The following COL9A3 variants were observed in gnomAD, a reference collection of about 807,000 sequenced individuals.
COL9A3 encodes the protein collagen alpha-3(IX) chain.
In COL9A3, 82 loss-of-function variants were observed where a neutral mutation model predicts 110.2. That is an observed-to-expected ratio of 0.74 (90% CI 0.62 to 0.89). The LOEUF (loss-of-function observed/expected upper bound fraction) is 0.89. COL9A3 is among the 40% of genes least tolerant of loss of function. The probability of loss-of-function intolerance (pLI) is 0.00; values close to 1 mark genes in which losing one functional copy is unlikely to be tolerated. For synonymous variants in COL9A3, 494 were observed against 403.8 expected (o/e 1.22, Z -2.68); for missense variants, 1,066 against 981.3 (o/e 1.09, Z -1.15).
intron 14 of COL9A3, among the ~76,000 whole-genome samples, 154 bp from the exon 15 acceptor site, chr20:62,826,613 G>A (rs544754603): frequency 1.3e-5 from 2 of 152,336 alleles, no homozygotes; most frequent in East Asian, 3.9e-4. Flanking sequence ...GGGGAAGCAG[G>A]GATTTGGAGA....
chr20:62,836,627 TCCAG>T, intron 29 of COL9A3, 95 bp downstream of exon 29: 1 of 1,351,770 alleles, frequency 7.4e-7, no homozygotes, highest in Non-Finnish European at 1.0e-6. Context: ...GCCACTGCTT[TCCAG>T]CCAAAGTGAG....
intron 14 of COL9A3, 28 bp from the exon 15 acceptor site, chr20:62,826,739 G>A (rs911685723): frequency 1.2e-6 from 2 of 1,611,682 alleles, no homozygotes; most frequent in Non-Finnish European, 1.7e-6. Context: ...CAGACAAGAG[G>A]ACCCCGGATC....
chr20:62,835,278 A>G (rs1054714668), intron 26 of COL9A3, among the ~76,000 whole-genome samples: 3 of 152,192 alleles, frequency 2.0e-5, no homozygotes, highest in African/African-American at 7.2e-5. Flanking sequence ...GGGAAGCCCA[A>G]GACCGAGGGG....
chr20:62,827,330 T>C (rs969981595), intron 16 of COL9A3, 36 bp downstream of exon 16: 7 of 1,605,940 alleles, frequency 4.4e-6, no homozygotes, highest in Non-Finnish European at 6.0e-6. Context: ...TGGGTCCTTA[T>C]GTGGAAGAAC....
At position 62,820,356 on chromosome 20, in the gene COL9A3, G is replaced by A. The variant is rs147291143; in HGVS notation, c.309+374G>A. 5.7e-3 allele frequency among the ~76,000 whole-genome samples: 870 copies of A among 152,192 alleles called. 2 individuals are homozygous for A. Among genetic ancestry groups the A allele is most frequent in the Middle Eastern group, 0.01 (3 of 294 alleles). ...CAGAGTCCCCTGTGCCTGCCTGTTG[G>A]ACACTGAATCCTTTACCCTGACGGA... On this transcript the variant is annotated intron_variant, in intron 5 of 31. Transcript: ENST00000649368.
At position 62,832,167 on chromosome 20, in the gene COL9A3, C is replaced by T. The variant is rs1430563820; in HGVS notation, c.1301C>T (p.Ala434Val). The part of the protein sequence containing the change: ...GDVGDRGPGG[A>V]AGPKGDQGIA... ...CTCCACATCCAGGGTCCGGGAGGTG[C>T]CGCAGGCCCTAAGGGAGACCAGGTG... Residue 434 changes from alanine to valine, a missense_variant, in exon 25 of 32, where the codon GCC becomes GTC. By Grantham distance (64) the Ala-to-Val change is moderately conservative. Coordinates refer to ENST00000649368, the MANE Select transcript of COL9A3 (RefSeq NM_001853.4). The T allele has an allele frequency of 6.2e-7, 1 of 1,612,968 alleles. No individual in the cohort carries two copies. The highest frequency in any genetic ancestry group is 1.1e-5 in the South Asian group (1 of 91,090).
At chr20:62,827,370 G>A (rs2063562866) in intron 16 of COL9A3, 76 bp downstream of exon 16, 1 of 1,499,594 alleles carries the variant, frequency 6.7e-7, no homozygotes, top group African/African-American at 1.4e-5. Flanking sequence ...GTGCTGGGGA[G>A]GGGGACACAC....
chr20:62,822,183 C>A lies in COL9A3; in HGVS notation c.477+19C>A. 1 of 1,501,546 alleles carries A rather than the reference C, an allele frequency of 6.7e-7. No individual in the cohort carries two copies. The highest frequency in any genetic ancestry group is 9.3e-7 in the Non-Finnish European group (1 of 1,077,940). The allele number at this position is 1,501,546 out of a possible 1,614,324, so 93.0% of individuals were successfully genotyped here. A position where few individuals can be genotyped will look rare whatever the true frequency, so the allele number is the denominator to read the frequency against. On this transcript the variant is annotated intron_variant, in intron 9 of 31. Transcript: ENST00000649368. Reference sequence around the variant, plus strand: ...ACCCCCTGTAAGTACTGGGCAGAGGCTCTAAGAAGTGCTGGGCATGGACTA... The same window carrying A: ...ACCCCCTGTAAGTACTGGGCAGAGGATCTAAGAAGTGCTGGGCATGGACTA...
chr20:62,818,576 A>G (rs771464531), intron 3 of COL9A3, 23 bp downstream of exon 3: 1 of 1,610,050 alleles, frequency 6.2e-7, no homozygotes, highest in South Asian at 1.1e-5. Flanking sequence ...GGCTGGGGAG[A>G]CAGCCTTTTT....
intron 10 of COL9A3, among the ~76,000 whole-genome samples, chr20:62,824,189 G>A (rs542786831): frequency 1.6e-5 from 2 of 128,822 alleles, no homozygotes; most frequent in South Asian, 2.7e-4. Context: ...CGACACCCGC[G>A]CGGAGTGGCC....
In COL9A3 at chr20:62,830,291, C is replaced by T. The variant is rs1433217932; in HGVS notation, c.1162-69C>T. The T allele has an allele frequency of 2.0e-6, 3 of 1,522,474 alleles. No homozygotes were observed. The East Asian group carries it at 7.4e-5, about 37-fold the overall frequency. 94.3% of individuals were successfully genotyped at this position (1,522,474 alleles called of 1,614,324 possible). Reference sequence around the variant, plus strand: ...CACTCTGGGGGAAGGCTGAGCCAGGCTCCCTGGGGCCTCTTGGGGACTCCT... The same window carrying T: ...CACTCTGGGGGAAGGCTGAGCCAGGTTCCCTGGGGCCTCTTGGGGACTCCT... On this transcript the variant is annotated intron_variant, in intron 22 of 31. Transcript: ENST00000649368.
intron 16 of COL9A3, among the ~76,000 whole-genome samples, chr20:62,827,534 C>T (rs766844967): frequency 1.3e-5 from 2 of 152,116 alleles, no homozygotes; most frequent in Admixed American, 6.5e-5. Context: ...GCCCACGAGC[C>T]GGGTGGAGGG....
intron 2 of COL9A3, chr20:62,817,890 T>G (rs1990987093): frequency 3.2e-6 from 2 of 621,428 alleles, no homozygotes; most frequent in Admixed American, 2.3e-5. Context: ...CTGGGTCCCC[T>G]GAGGGGCCCG....
chr20:62,826,277 G>C lies in COL9A3; in HGVS notation c.738+20G>C. The C allele has an allele frequency of 6.5e-7, 1 of 1,546,208 alleles. No individual in the cohort carries two copies. Among genetic ancestry groups the C allele is most frequent in the South Asian group, 1.2e-5 (1 of 84,032 alleles). On this transcript the variant is annotated intron_variant, in intron 14 of 31. Transcript: ENST00000649368. ...GACCGGGTAAGTCCTGCAGCCCCTA[G>C]TGGGGGCCGGCCAGGTGGCTGGGGG...
intron 12 of COL9A3, chr20:62,825,525 C>T (rs1460499139): frequency 3.7e-6 from 2 of 547,102 alleles, no homozygotes; most frequent in Non-Finnish European, 6.6e-6. Flanking sequence ...GAGGAGACCC[C>T]AGGTGCACAT....
chr20:62,816,957 C>A (rs1990939272), upstream of COL9A3: 1 of 583,242 alleles, frequency 1.7e-6, no homozygotes, highest in Non-Finnish European at 2.3e-6. Flanking sequence ...GAATGGGGGG[C>A]TTGTGCAGGC....
intron 2 of COL9A3, chr20:62,817,870 G>A (rs1990986633): frequency 3.0e-6 from 2 of 659,754 alleles, no homozygotes; most frequent in East Asian, 3.0e-5. Context: ...CGGCACTGAG[G>A]TGTGTGTCTC....
rs767642504 is a variant in COL9A3 at position 62,840,582 on chromosome 20, C to T, written c.1905C>T (p.Asp635=). Reference sequence around the variant, plus strand: ...CCGGCACCAGCAAGGACGGCCAGGACGGTGCTCCCGGCGAGCCTGGGCCTC... The same window carrying T: ...CCGGCACCAGCAAGGACGGCCAGGATGGTGCTCCCGGCGAGCCTGGGCCTC... ...GVPGTSKDGQ[D]GAPGEPGPPG... is the part of the protein sequence containing the mutation. The change falls in exon 32 of 32, where the codon GAC becomes GAT. Residue 635 remains aspartate, a synonymous_variant. Coordinates refer to ENST00000649368, the MANE Select transcript of COL9A3 (RefSeq NM_001853.4). 1.6e-5 allele frequency: 26 copies of T among 1,612,798 alleles called. No homozygotes were observed. The highest frequency in any genetic ancestry group is 2.1e-5 in the Non-Finnish European group (25 of 1,179,888).
intron 26 of COL9A3, among the ~76,000 whole-genome samples, chr20:62,833,936 G>A (rs2063616504): frequency 6.6e-6 from 1 of 151,986 alleles, no homozygotes; most frequent in Non-Finnish European, 1.5e-5. Flanking sequence ...CTGGAGTGCA[G>A]TGACGCCATC....
Sources: gnomAD v4.1 joint callset for allele counts (sites outside exome capture counted in the v4.1 genomes callset) on GRCh38, gnomAD v4.1.1 for gene constraint, MANE v1.5 for transcripts, NCBI Gene and HGNC (gene_info 2026-07-23, HGNC 2026-07-21) for gene names.